The following PRDM6 variants were observed in gnomAD, a reference collection of about 807,000 sequenced individuals.
PRDM6 encodes the protein PR/SET domain 6.
In PRDM6, 25 loss-of-function variants were observed where a neutral mutation model predicts 60.8. The observed-to-expected ratio is 0.41, with a 90% confidence interval of 0.30 to 0.57. The LOEUF (loss-of-function observed/expected upper bound fraction) is 0.57. Among genes scored for constraint, PRDM6 ranks in the 20% least tolerant of loss-of-function variants. The probability of loss-of-function intolerance (pLI) is 0.27; values close to 1 mark genes in which losing one functional copy is unlikely to be tolerated. For missense variants in PRDM6, 839 were observed against 821.3 expected (o/e 1.02, Z -0.26); for synonymous variants, 407 against 357.4 (o/e 1.14, Z -1.57).
chr5:123,103,883 C>T (rs1764153007), intron 3 of PRDM6, among the ~76,000 whole-genome samples: 1 of 152,150 alleles, frequency 6.6e-6, no homozygotes, highest in Non-Finnish European at 1.5e-5. Flanking sequence ...CTTATTTTCA[C>T]CCTAGAAAAA....
chr5:123,117,530 T>C (rs928054462), intron 3 of PRDM6, among the ~76,000 whole-genome samples: 3 of 152,128 alleles, frequency 2.0e-5, no homozygotes, highest in Middle Eastern at 3.2e-3. Context: ...GTCTGAAAAG[T>C]TTAAAAATGG....
Position 123,159,502 on chromosome 5 carries a change from T to A in PRDM6, c.1029-12T>A. On this transcript the variant is annotated splice_polypyrimidine_tract_variant and intron_variant, in intron 4 of 7. Transcript: ENST00000407847. ...TGTATTACTAAGCTGGGTTTTCTTT[T>A]GTTTTGAATAGGTCGAATATATTCT... 1 of 1,549,304 alleles carries A rather than the reference T, an allele frequency of 6.5e-7. No homozygotes were observed. The highest frequency in any genetic ancestry group is 8.7e-7 in the Non-Finnish European group (1 of 1,146,112).
In PRDM6 at chr5:123,125,796, CAA is replaced by C. The variant is rs200717091; in HGVS notation, c.900+25838_900+25839del. 2.9e-3 allele frequency among the ~76,000 whole-genome samples: 442 copies of C among 152,192 alleles called. 2 individuals carry two copies. The highest frequency in any genetic ancestry group is 0.01 in the African/African-American group (426 of 41,522). On this transcript the variant is annotated intron_variant, in intron 3 of 7. Coordinates refer to ENST00000407847, the MANE Select transcript of PRDM6 (RefSeq NM_001136239.4). Reference sequence around the variant, plus strand: ...AATATCTGAAGAAGGGGTAGTTCCCCAAAAGAGTCTCATTGAAGACAGGGAGT... The same window carrying C: ...AATATCTGAAGAAGGGGTAGTTCCCCAAGAGTCTCATTGAAGACAGGGAGT...
At chr5:123,112,793 T>G (rs1217088609) in intron 3 of PRDM6, among the ~76,000 whole-genome samples, 1 of 136,644 alleles carries the variant, frequency 7.3e-6, no homozygotes, top group East Asian at 2.4e-4. Flanking sequence ...CTTTTTTTTT[T>G]TTTTTTTTTT....
Position 123,193,486 on chromosome 5 carries a change from C to G in PRDM6, c.*6285C>G, listed in dbSNP as rs987144656. The G allele has an allele frequency of 2.0e-5, 3 of 152,170 alleles. No homozygotes were observed. The highest frequency in any genetic ancestry group is 4.4e-5 in the Non-Finnish European group (3 of 68,022). 9.4% of individuals were successfully genotyped at this position (152,170 alleles called of 1,614,324 possible). The stretch of plus-strand genomic sequence containing the variant: ...ATCAGCACTTGTAGACTTACTTTCT[C>G]TGAACAATCTAGTACACTTCTCTAG... On this transcript the variant is annotated 3_prime_UTR_variant, in exon 8 of 8. Coordinates refer to ENST00000407847, the MANE Select transcript of PRDM6 (RefSeq NM_001136239.4).
intron 2 of PRDM6, among the ~76,000 whole-genome samples, chr5:123,098,240 G>A (rs899182079): frequency 6.6e-6 from 1 of 152,248 alleles, no homozygotes; most frequent in African/African-American, 2.4e-5. Context: ...CCGCCGCCCC[G>A]CTCTGGCGCA....
At chr5:123,101,597 T>C (rs1764105705) in intron 3 of PRDM6, among the ~76,000 whole-genome samples, 1 of 152,226 alleles carries the variant, frequency 6.6e-6, no homozygotes, top group Non-Finnish European at 1.5e-5. Context: ...AATTGTTCAA[T>C]AGTACAAATT....
chr5:123,185,232 A>G (rs532632604), intron 7 of PRDM6, among the ~76,000 whole-genome samples: 1 of 152,246 alleles, frequency 6.6e-6, no homozygotes, highest in South Asian at 2.1e-4. Context: ...AAAATGCAAA[A>G]CCATGACCCA....
chr5:123,154,306 A>G (rs1164082474), intron 3 of PRDM6, among the ~76,000 whole-genome samples: 2 of 152,174 alleles, frequency 1.3e-5, no homozygotes, highest in African/African-American at 4.8e-5. Context: ...TAGAAATTTA[A>G]AGAAGTCATT....
chr5:123,187,713 G>C lies in PRDM6; in HGVS notation c.*512G>C, dbSNP rs753952181. On this transcript the variant is annotated 3_prime_UTR_variant, in exon 8 of 8. Coordinates refer to ENST00000407847, the MANE Select transcript of PRDM6 (RefSeq NM_001136239.4). ...CCACGGAAGCAGAGTGAGAGCCTTC[G>C]CTGAGTCAATGCTACCTTCAGCCCC... The C allele has an allele frequency of 6.5e-6, 1 of 154,872 alleles. No homozygotes were observed. The highest frequency in any genetic ancestry group is 1.4e-5 in the Non-Finnish European group (1 of 69,698). 9.6% of individuals were successfully genotyped at this position (154,872 alleles called of 1,614,324 possible). A position where few individuals can be genotyped will look rare whatever the true frequency, so the allele number is the denominator to read the frequency against.
chr5:123,142,297 T>G (rs1195998213), intron 3 of PRDM6, among the ~76,000 whole-genome samples: 2 of 73,274 alleles, frequency 2.7e-5, no homozygotes, highest in East Asian at 3.2e-4. Flanking sequence ...TCATCTTATT[T>G]AAAGCCCATG....
intron 3 of PRDM6, among the ~76,000 whole-genome samples, chr5:123,132,612 C>T (rs1764857541): frequency 6.6e-6 from 1 of 152,104 alleles, no homozygotes; most frequent in Non-Finnish European, 1.5e-5. Context: ...GTGTTTTCTG[C>T]TGAGTGGTTG....
intron 7 of PRDM6, among the ~76,000 whole-genome samples, chr5:123,183,245 G>A (rs772888065): frequency 6.6e-6 from 1 of 152,120 alleles, no homozygotes; most frequent in Non-Finnish European, 1.5e-5. Flanking sequence ...CCAAATAGAT[G>A]CCCCAGATGG....
In PRDM6 at chr5:123,100,108, C is replaced by A. The variant is rs112825097; in HGVS notation, c.900+147C>A. 27 of 891,958 alleles carry A rather than the reference C, an allele frequency of 3.0e-5. 1 individual carries two copies. The highest frequency in any genetic ancestry group is 2.9e-4 in the African/African-American group (17 of 58,444). The allele number at this position is 891,958 out of a possible 1,614,324, so 55.3% of individuals were successfully genotyped here. A position where few individuals can be genotyped will look rare whatever the true frequency, so the allele number is the denominator to read the frequency against. ...CCAGAGGGTAGCGGAGAATAGATTT[C>A]TCTGGTCCTGTAGATGCCTGGTGTC... is the stretch of plus-strand genomic sequence containing the variant. On this transcript the variant is annotated intron_variant, in intron 3 of 7. Transcript: ENST00000407847.
chr5:123,103,675 C>A (rs1179274373), intron 3 of PRDM6, among the ~76,000 whole-genome samples: 2 of 151,916 alleles, frequency 1.3e-5, no homozygotes, highest in Non-Finnish European at 2.9e-5. Flanking sequence ...CACACGGTTT[C>A]CTCTTTCTGC....
intron 3 of PRDM6, among the ~76,000 whole-genome samples, chr5:123,145,692 A>T (rs1041369643): frequency 3.3e-5 from 5 of 152,148 alleles, no homozygotes; most frequent in Admixed American, 6.5e-5. Context: ...CACTGTCCCA[A>T]CGTGACATAA....
At chr5:123,145,067 C>G (rs921220387) in intron 3 of PRDM6, among the ~76,000 whole-genome samples, 1 of 152,192 alleles carries the variant, frequency 6.6e-6, no homozygotes, top group South Asian at 2.1e-4. Context: ...AGATTTTATC[C>G]TTGCCCTCAT....
rs1764046706 is a variant in PRDM6 at position 123,099,485 on chromosome 5, C to T, written c.593-169C>T. 6.6e-6 allele frequency among the ~76,000 whole-genome samples: 1 copy of T among 152,164 alleles called. No individual in the cohort carries two copies. The highest frequency in any genetic ancestry group is 2.4e-5 in the African/African-American group (1 of 41,448). ...CCAAGGGAGCGGCGCGGGTTCTCTT[C>T]TCCTCCTCCTCTGAGTTGCTTCGGT... On this transcript the variant is annotated intron_variant, in intron 2 of 7. Transcript: ENST00000407847. The surrounding 1 kb of genome is among the most constrained non-coding windows in gnomAD (Gnocchi z 4.0).
chr5:123,136,298 C>T (rs185962139), intron 3 of PRDM6, among the ~76,000 whole-genome samples: 29 of 151,984 alleles, frequency 1.9e-4, no homozygotes, highest in Admixed American at 1.4e-3. Flanking sequence ...ACATGGTGAC[C>T]CACCACTTCT....
Sources: allele counts gnomAD v4.1 joint callset (sites outside exome capture counted in the v4.1 genomes callset), GRCh38; gene constraint gnomAD v4.1.1; non-coding constraint Gnocchi (gnomAD v3.1); transcripts MANE v1.5; gene names NCBI Gene and HGNC (gene_info 2026-07-23, HGNC 2026-07-21).